Variants in GSE1 observed in about 807,000 individuals in gnomAD.
GSE1 encodes Gse1 coiled-coil protein.
Under a neutral mutation model 112.6 loss-of-function variants are expected in GSE1, and 32 were observed. The observed-to-expected ratio is 0.28, with a 90% CI of 0.21 to 0.38. The LOEUF (loss-of-function observed/expected upper bound fraction) is 0.38, where lower values mean the gene tolerates loss of function less well. GSE1 is among the 10% of genes least tolerant of loss of function. The pLI, the probability that GSE1 is intolerant of heterozygous loss-of-function variation, is 1.00. For synonymous variants in GSE1, 1,115 were observed against 735.6 expected (o/e 1.52, Z -8.35); for missense variants, 2,348 against 1,699.2 (o/e 1.38, Z -6.71).
intron 1 of GSE1, among the ~76,000 whole-genome samples, chr16:85,566,769 G>A (rs1046273419): frequency 6.6e-6 from 1 of 152,212 alleles, no homozygotes; most frequent in Non-Finnish European, 1.5e-5. Flanking sequence ...CTTGGTAACT[G>A]TGTCAACCGT....
At chr16:85,265,100 G>A (rs947537289) in intron 1 of GSE1, among the ~76,000 whole-genome samples, 3 of 152,208 alleles carry the variant, frequency 2.0e-5, no homozygotes, top group Non-Finnish European at 2.9e-5. Flanking sequence ...CTGCAATGGC[G>A]GGGGCCGCTT....
intron 2 of GSE1, among the ~76,000 whole-genome samples, chr16:85,411,641 C>A (rs1419531497): frequency 9.3e-5 from 1 of 10,766 alleles, no homozygotes; most frequent in Non-Finnish European, 5.1e-4. Flanking sequence ...TACACTCAGG[C>A]CCCCCGGATA....
intron 2 of GSE1, among the ~76,000 whole-genome samples, chr16:85,453,021 C>T (rs531631889): frequency 2.6e-5 from 4 of 152,202 alleles, no homozygotes; most frequent in South Asian, 2.1e-4. Context: ...CTGTCCCCGA[C>T]GCTGCCGGTC....
At chr16:85,293,216 C>T (rs886505082) in intron 1 of GSE1, among the ~76,000 whole-genome samples, 17 of 152,056 alleles carry the variant, frequency 1.1e-4, no homozygotes, top group African/African-American at 3.6e-4. Context: ...GGTAGTGTCC[C>T]GTGTCCTGTT....
intron 1 of GSE1, among the ~76,000 whole-genome samples, chr16:85,324,379 G>T (rs1001649499): frequency 1.3e-5 from 2 of 152,012 alleles, no homozygotes; most frequent in Non-Finnish European, 2.9e-5. Context: ...GTGTGGTGGC[G>T]CATGCCTGTA....
At chr16:85,662,888 G>A (rs994930083) in intron 9 of GSE1, 93 bp from the exon 10 acceptor site, 21 of 887,326 alleles carry the variant, frequency 2.4e-5, no homozygotes, top group African/African-American at 2.3e-4. Flanking sequence ...GGCCTGGCCT[G>A]ATAGGTGCTC....
At chr16:85,439,627 G>A (rs2049330403) in intron 2 of GSE1, among the ~76,000 whole-genome samples, 1 of 152,150 alleles carries the variant, frequency 6.6e-6, no homozygotes, top group Admixed American at 6.5e-5. Flanking sequence ...CTTCTGATGG[G>A]CCTGCAGGTC....
intron 2 of GSE1, among the ~76,000 whole-genome samples, chr16:85,438,191 T>C (rs892945955): frequency 4.6e-5 from 7 of 152,140 alleles, no homozygotes; most frequent in African/African-American, 1.7e-4. Flanking sequence ...CTAACACAGG[T>C]AGACACTCTG....
At chr16:85,232,577 C>A (rs1269626966) in intron 1 of GSE1, among the ~76,000 whole-genome samples, 1 of 152,170 alleles carries the variant, frequency 6.6e-6, no homozygotes, top group East Asian at 1.9e-4. Flanking sequence ...GCCATGTGGC[C>A]CAAGGGAGGC....
chr16:85,663,195 C>G, intron 10 of GSE1, 102 bp downstream of exon 10: 1 of 1,262,120 alleles, frequency 7.9e-7, no homozygotes, highest in Non-Finnish European at 1.1e-6. Context: ...CCTCCGAAGT[C>G]CTGGCGGGTT....
chr16:85,578,210 C>T (rs192791423), intron 1 of GSE1, among the ~76,000 whole-genome samples: 42 of 152,340 alleles, frequency 2.8e-4, no homozygotes, highest in Non-Finnish European at 5.4e-4. Context: ...CCTGGGAGGG[C>T]GGCACCGGGA....
At chr16:85,180,681 C>A (rs759536613) in intron 1 of GSE1, among the ~76,000 whole-genome samples, 1 of 152,132 alleles carries the variant, frequency 6.6e-6, no homozygotes, top group Non-Finnish European at 1.5e-5. Context: ...GGGGAAGTGC[C>A]GGCGCCGGGA....
intron 1 of GSE1, among the ~76,000 whole-genome samples, chr16:85,292,672 C>G (rs2045257086): frequency 6.6e-6 from 1 of 151,730 alleles, no homozygotes; most frequent in Non-Finnish European, 1.5e-5. Flanking sequence ...ATTGGCCAGG[C>G]TGGTCTCAAA....
chr16:85,193,485 G>C (rs914940215), intron 1 of GSE1, among the ~76,000 whole-genome samples: 1 of 150,542 alleles, frequency 6.6e-6, no homozygotes, highest in Admixed American at 6.6e-5. Context: ...TTTTTGAGTT[G>C]GTCTCACCCT....
At position 85,627,044 on chromosome 16, in the gene GSE1, C is replaced by CTTTTTTT. The variant is rs564272210; in HGVS notation, c.8-6844_8-6838dup. 6.1e-3 allele frequency among the ~76,000 whole-genome samples: 152 copies of CTTTTTTT among 25,058 alleles called. 21 individuals are homozygous for CTTTTTTT. Among genetic ancestry groups the CTTTTTTT allele is most frequent in the South Asian group, 0.022 (10 of 454 alleles). The allele number at this position is 25,058 out of a possible 152,430, so 16.4% of individuals were successfully genotyped here. ...GGACTTTGCTTCCTTTTCTTCTTGC[C>CTTTTTTT]TTTTTTTTTTTTTTTTTTTTTTTTT... On this transcript the variant is annotated intron_variant, in intron 1 of 15. Transcript: ENST00000253458.
At chr16:85,513,810 A>AG (rs368125015) in intron 2 of GSE1, among the ~76,000 whole-genome samples, 2,282 of 151,900 alleles carry the variant, frequency 0.015, 53 homozygotes, top group South Asian at 0.099. Flanking sequence ...CAGACCGGGG[A>AG]GGGGGGGTCC....
At chr16:85,399,839 C>T (rs1038419) in intron 2 of GSE1, among the ~76,000 whole-genome samples, 22 of 152,244 alleles carry the variant, frequency 1.4e-4, no homozygotes, top group African/African-American at 5.1e-4. Flanking sequence ...TCCGTGAGTG[C>T]GGGCTGCGGT....
intron 2 of GSE1, among the ~76,000 whole-genome samples, chr16:85,482,500 T>C (rs986693457): frequency 1.3e-5 from 2 of 148,220 alleles, no homozygotes; most frequent in Non-Finnish European, 3.0e-5. Flanking sequence ...GTGACTCAGT[T>C]CCCCCCCCAA....
chr16:85,615,600 C>T (rs1018902719), intron 1 of GSE1, among the ~76,000 whole-genome samples: 5 of 152,158 alleles, frequency 3.3e-5, no homozygotes, highest in African/African-American at 7.2e-5. Context: ...TCAGCCCTGC[C>T]TTGGGAAGGG....
Sources: gnomAD v4.1 joint callset for allele counts (sites outside exome capture counted in the v4.1 genomes callset) on GRCh38, gnomAD v4.1.1 for gene constraint, MANE v1.5 for transcripts, NCBI Gene and HGNC (gene_info 2026-07-23, HGNC 2026-07-21) for gene names.